PSMD14: variants seen among roughly 807,000 people sequenced by gnomAD.
The protein encoded by PSMD14 is proteasome 26S subunit, non-ATPase 14.
A neutral mutation model predicts 41.2 loss-of-function variants in PSMD14; 7 were observed. The ratio of observed to expected loss-of-function variants is 0.17; its 90% CI spans 0.10 to 0.32. The LOEUF (loss-of-function observed/expected upper bound fraction) is 0.32, where lower values mean the gene tolerates loss of function less well. Among genes scored for constraint, PSMD14 ranks in the 10% least tolerant of loss-of-function variants. The pLI, the probability that PSMD14 is intolerant of heterozygous loss-of-function variation, is 1.00. For missense variants in PSMD14, 139 were observed against 375.6 expected, an observed-to-expected ratio of 0.37 and a Z score of 5.21; for synonymous variants, 114 against 122.3, an observed-to-expected ratio of 0.93 and a Z score of 0.45.
chr2:161,407,870 A>G (rs1159554973), intron 10 of PSMD14: 2 of 152,012 alleles, frequency 1.3e-5, no homozygotes, highest in African/African-American at 4.8e-5. Context: ...TGCTATGAAT[A>G]AATCATAGAT....
chr2:161,396,200 C>T (rs1421340617), intron 10 of PSMD14, among the ~76,000 whole-genome samples: 2 of 152,074 alleles, frequency 1.3e-5, no homozygotes, highest in Non-Finnish European at 2.9e-5. Flanking sequence ...AAATGTTACC[C>T]TAGGCAAAAT....
At chr2:161,348,494 G>A (rs1683075779) in intron 3 of PSMD14, among the ~76,000 whole-genome samples, 2 of 152,220 alleles carry the variant, frequency 1.3e-5, no homozygotes, top group Non-Finnish European at 2.9e-5. Context: ...CTATCCATCA[G>A]TAGGAGAATG....
intron 3 of PSMD14, among the ~76,000 whole-genome samples, chr2:161,367,074 A>G (rs906555579): frequency 1.3e-5 from 2 of 152,198 alleles, no homozygotes; most frequent in Non-Finnish European, 2.9e-5. Context: ...GAATTTGCAG[A>G]GGAATCCCAT....
intron 3 of PSMD14, among the ~76,000 whole-genome samples, chr2:161,365,751 T>C (rs60598854): frequency 0.013 from 1,906 of 152,266 alleles, 36 homozygotes; most frequent in African/African-American, 0.044. Context: ...AGTGATCACA[T>C]AAGGCTAACA....
At chr2:161,372,082 G>A (rs1004727727) in intron 7 of PSMD14, among the ~76,000 whole-genome samples, 6 of 151,824 alleles carry the variant, frequency 4.0e-5, no homozygotes, top group African/African-American at 1.5e-4. Flanking sequence ...GCAAATGTGA[G>A]AGGCAATTCG....
At position 161,407,680 on chromosome 2, in the gene PSMD14, A is replaced by G. The variant is rs1034504710; in HGVS notation, c.772-1157A>G. The G allele has an allele frequency of 6.6e-5, 10 of 152,116 alleles. No homozygotes were observed. The South Asian group carries it at 1.2e-3, about 19-fold the overall frequency. 9.4% of individuals were successfully genotyped at this position (152,116 alleles called of 1,614,324 possible). ...TTGTTCGCACATGAAGAAATTTGGC[A>G]GCTGTGAGATTATAAAGTTCAGAGT... On this transcript the variant is annotated intron_variant, in intron 10 of 11. Transcript: ENST00000409682.
chr2:161,341,242 G>A (rs1209031630), intron 3 of PSMD14: 65 of 994,766 alleles, frequency 6.5e-5, no homozygotes, highest in Non-Finnish European at 7.5e-5. Context: ...GCCGCCCCAC[G>A]CCGCACCAGT....
intron 7 of PSMD14, among the ~76,000 whole-genome samples, chr2:161,381,083 C>CT (rs1469100043): frequency 6.6e-6 from 1 of 151,626 alleles, no homozygotes; most frequent in African/African-American, 2.4e-5. Flanking sequence ...AATATGTAAT[C>CT]TAACTAGTAA....
chr2:161,411,130 T>C (rs1684017783), intron 11 of PSMD14, among the ~76,000 whole-genome samples, 172 bp from the exon 12 acceptor site: 1 of 152,184 alleles, frequency 6.6e-6, no homozygotes, highest in East Asian at 1.9e-4. Flanking sequence ...ACTTAACTTT[T>C]TGATTTAGAA....
At chr2:161,362,325 A>G (rs1045362563) in intron 3 of PSMD14, among the ~76,000 whole-genome samples, 1 of 152,226 alleles carries the variant, frequency 6.6e-6, no homozygotes, top group African/African-American at 2.4e-5. Flanking sequence ...AGCATATTGT[A>G]TACTTCATTT....
chr2:161,401,867 C>T (rs528521427), intron 10 of PSMD14, among the ~76,000 whole-genome samples: 1 of 152,202 alleles, frequency 6.6e-6, no homozygotes, highest in South Asian at 2.1e-4. Flanking sequence ...TTTGGAGATA[C>T]ATAGGACTGT....
chr2:161,356,367 C>T (rs955359238), intron 3 of PSMD14, among the ~76,000 whole-genome samples: 5 of 152,110 alleles, frequency 3.3e-5, no homozygotes, highest in African/African-American at 2.4e-5. Flanking sequence ...TTGTTTCTTA[C>T]CTTGCTGGGT....
At chr2:161,343,521 A>G (rs1682996838) in intron 3 of PSMD14, among the ~76,000 whole-genome samples, 1 of 152,176 alleles carries the variant, frequency 6.6e-6, no homozygotes, top group African/African-American at 2.4e-5. Flanking sequence ...TGCTATGAAC[A>G]TTGGTGTAGA....
chr2:161,368,153 C>T (rs2303319), intron 5 of PSMD14, among the ~76,000 whole-genome samples: 9,969 of 151,774 alleles, frequency 0.066, 435 homozygotes, highest in East Asian at 0.15. Context: ...TCGGCTTAAA[C>T]TGGTGTAAAA....
chr2:161,389,416 A>G (rs563261471), intron 8 of PSMD14, among the ~76,000 whole-genome samples: 2 of 152,320 alleles, frequency 1.3e-5, no homozygotes, highest in South Asian at 4.1e-4. Flanking sequence ...AGCACAGATT[A>G]AAGGAAGCCC....
chr2:161,378,125 T>C (rs764276615), intron 7 of PSMD14, among the ~76,000 whole-genome samples: 1 of 151,970 alleles, frequency 6.6e-6, no homozygotes, highest in Non-Finnish European at 1.5e-5. Flanking sequence ...TCATTGTAAT[T>C]TTCTAAAGAG....
At chr2:161,403,725 T>A (rs1683912274) in intron 10 of PSMD14, among the ~76,000 whole-genome samples, 1 of 152,030 alleles carries the variant, frequency 6.6e-6, no homozygotes, top group East Asian at 1.9e-4. Flanking sequence ...TAACTTATAA[T>A]GCTTTTTCTT....
chr2:161,357,116 G>A (rs1451404648), intron 3 of PSMD14, among the ~76,000 whole-genome samples: 1 of 110,680 alleles, frequency 9.0e-6, no homozygotes, highest in Non-Finnish European at 1.8e-5. Flanking sequence ...GGCTACCCAT[G>A]TAAAAGTCAC....
chr2:161,385,509 T>C lies in PSMD14; in HGVS notation c.508T>C (p.Leu170=). ...FRLINANMMV[L]GHEPRQTTSN... The stretch of plus-strand genomic sequence containing the variant: ...ATTGATCAATGCTAATATGATGGTC[T>C]TAGGACATGAACCAAGACAAACAAC... Residue 170 remains leucine (L), a synonymous_variant, in exon 8 of 12, where the codon TTA becomes CTA. Transcript: ENST00000409682. 2 of 1,610,058 alleles carry C rather than the reference T, an allele frequency of 1.2e-6. No homozygotes were observed. Among genetic ancestry groups the C allele is most frequent in the Non-Finnish European group, 1.7e-6 (2 of 1,177,352 alleles).
Sources: allele counts gnomAD v4.1 joint callset (sites outside exome capture counted in the v4.1 genomes callset), GRCh38; gene constraint gnomAD v4.1.1; transcripts MANE v1.5; gene names NCBI Gene and HGNC (gene_info 2026-07-23, HGNC 2026-07-21).